The following PFKP variants were observed in gnomAD, a reference collection of about 807,000 sequenced individuals.
PFKP encodes ATP-dependent 6-phosphofructokinase, platelet type.
A neutral mutation model predicts 94.3 loss-of-function variants in PFKP; 101 were observed. The observed-to-expected ratio is 1.07, with a 90% CI of 0.91 to 1.26. The LOEUF (loss-of-function observed/expected upper bound fraction) is 1.26, where lower values mean the gene tolerates loss of function less well. Among genes scored for constraint, PFKP ranks in the 50% most tolerant of loss-of-function variants. PFKP has a pLI of 0.00. For synonymous variants in PFKP, 573 were observed against 432.6 expected (o/e 1.32, Z -4.03); for missense variants, 1,145 against 1,103.3 (o/e 1.04, Z -0.53).
intron 10 of PFKP, among the ~76,000 whole-genome samples, chr10:3,109,691 C>G (rs1436577766): frequency 2.0e-5 from 3 of 152,216 alleles, no homozygotes; most frequent in Non-Finnish European, 2.9e-5. Context: ...CTTTGGTTTT[C>G]TAAGTTACCA....
At chr10:3,096,624 A>G (rs1834500618) in intron 2 of PFKP, among the ~76,000 whole-genome samples, 1 of 149,176 alleles carries the variant, frequency 6.7e-6, no homozygotes, top group Non-Finnish European at 1.5e-5. Context: ...ACGGTGGCCC[A>G]GGCTACATGC....
chr10:3,069,481 CT>C, intron 1 of PFKP: 1 of 1,163,380 alleles, frequency 8.6e-7, no homozygotes, highest in Non-Finnish European at 1.2e-6. Context: ...CTTGAGTGAC[CT>C]TACCTGGGCC....
At chr10:3,105,186 A>G (rs369199991) in intron 6 of PFKP, 27 bp downstream of exon 6, 8 of 1,607,958 alleles carry the variant, frequency 5.0e-6, no homozygotes, top group South Asian at 1.1e-5. Context: ...GGTCCGGTGG[A>G]CGCGGTTCAG....
At chr10:3,119,081 A>G (rs1437113094) in intron 15 of PFKP, among the ~76,000 whole-genome samples, 1 of 115,792 alleles carries the variant, frequency 8.6e-6, no homozygotes, top group East Asian at 2.2e-4. Context: ...TTAACCGAGA[A>G]GCAAAAGCTT....
intron 16 of PFKP, among the ~76,000 whole-genome samples, chr10:3,127,377 C>A (rs1374546456): frequency 6.6e-6 from 1 of 152,244 alleles, no homozygotes; most frequent in Non-Finnish European, 1.5e-5. Context: ...GGGAGAGCTG[C>A]TTTGCCCGCA....
At chr10:3,084,880 CCAG>C (rs1488344828) in intron 2 of PFKP, among the ~76,000 whole-genome samples, 1 of 138,502 alleles carries the variant, frequency 7.2e-6, no homozygotes, top group African/African-American at 2.8e-5. Context: ...ACTCCACTCT[CCAG>C]CACGGTCCCC....
At chr10:3,078,070 C>T (rs946849425) in intron 1 of PFKP, among the ~76,000 whole-genome samples, 12 of 152,234 alleles carry the variant, frequency 7.9e-5, no homozygotes, top group African/African-American at 2.9e-4. Context: ...CCCCAGGATG[C>T]CTGAGCTATT....
At chr10:3,108,554 C>G in intron 8 of PFKP, 147 bp from the exon 9 acceptor site, 1 of 622,506 alleles carries the variant, frequency 1.6e-6, no homozygotes, top group South Asian at 1.9e-5. Context: ...AAACGTTCTG[C>G]TAGGAAACAA....
At chr10:3,133,667 A>ATTCACCCACCTCAGG (rs56998432) in intron 19 of PFKP, among the ~76,000 whole-genome samples, 3,234 of 152,092 alleles carry the variant, frequency 0.021, 85 homozygotes, top group African/African-American at 0.057. Flanking sequence ...CTGACCTCAG[A>ATTCACCCACCTCAGG]TGATTCACCC....
At chr10:3,119,165 CTT>C (rs1837137071) in intron 15 of PFKP, among the ~76,000 whole-genome samples, 2 of 152,160 alleles carry the variant, frequency 1.3e-5, no homozygotes, top group Admixed American at 6.5e-5. Flanking sequence ...AATTCTATCT[CTT>C]GAGTCCAGAG....
At chr10:3,125,170 T>C (rs1171882809) in intron 16 of PFKP, 1 of 1,350,016 alleles carries the variant, frequency 7.4e-7, no homozygotes, top group Admixed American at 2.0e-5. Context: ...CTGTGTGTGG[T>C]GCCGGCCACG....
intron 2 of PFKP, among the ~76,000 whole-genome samples, chr10:3,092,364 A>G (rs1328139363): frequency 6.6e-6 from 1 of 152,218 alleles, no homozygotes; most frequent in East Asian, 1.9e-4. Context: ...GGATGTAGAT[A>G]GCAGAGGCTG....
chr10:3,123,931 C>A (rs10903972), intron 16 of PFKP, among the ~76,000 whole-genome samples: 19,338 of 152,238 alleles, frequency 0.13, 1,289 homozygotes, highest in Admixed American at 0.16. Flanking sequence ...GGGGACCCTG[C>A]TCACAGCTCA....
At chr10:3,118,719 G>A in intron 14 of PFKP, 63 bp from the exon 15 acceptor site, 1 of 1,185,004 alleles carries the variant, frequency 8.4e-7, no homozygotes, top group Admixed American at 1.8e-5. Context: ...GACCGGCGTG[G>A]CGTCCTGCGG....
intron 1 of PFKP, among the ~76,000 whole-genome samples, chr10:3,081,717 C>T (rs891508743): frequency 6.6e-6 from 1 of 152,166 alleles, no homozygotes; most frequent in African/African-American, 2.4e-5. Context: ...ACTTATGATA[C>T]ATTGTAAGCA....
intron 1 of PFKP, among the ~76,000 whole-genome samples, chr10:3,068,309 CG>C (rs1354656193): frequency 6.6e-6 from 1 of 152,124 alleles, no homozygotes; most frequent in East Asian, 1.9e-4. Context: ...CGGGACGCGG[CG>C]GGGGTGCGCG....
chr10:3,120,776 C>T (rs1249482612), intron 16 of PFKP, among the ~76,000 whole-genome samples: 1 of 152,192 alleles, frequency 6.6e-6, no homozygotes, highest in Non-Finnish European at 1.5e-5. Context: ...CCTCTCACCT[C>T]AGCCTCCCGA....
intron 13 of PFKP, among the ~76,000 whole-genome samples, chr10:3,114,710 G>A (rs910667652): frequency 1.1e-4 from 16 of 152,266 alleles, no homozygotes; most frequent in Admixed American, 8.5e-4. Flanking sequence ...ATCCCAGGTG[G>A]AGGGAAAGGA....
In PFKP at chr10:3,107,260, G is replaced by A. The variant is rs774264923; in HGVS notation, c.821G>A (p.Gly274Glu). 6.2e-7 allele frequency: 1 copy of A among 1,612,640 alleles called. No homozygotes were observed. The highest frequency in any genetic ancestry group is 1.1e-5 in the South Asian group (1 of 91,028). Residue 274 changes from glycine to glutamate, a missense_variant, in exon 8 of 22, where the codon GGA (glycine) becomes GAA (glutamate). Physicochemically the swap from Gly to Glu is moderately conservative, Grantham distance 98. Around this residue, in one of 3 missense-constraint regions of PFKP, gnomAD observed 1,119 missense variants for 1,062.8 expected, o/e 1.05. Coordinates refer to ENST00000381125, the MANE Select transcript of PFKP (RefSeq NM_002627.5). ...CTGAATATTATTATTGTGGCTGAAG[G>A]AGCAATTGATACCCAAAATAAACCC... is the stretch of plus-strand genomic sequence containing the variant. ...KRLNIIIVAEGAIDTQNKPIT... is the reference protein window; with the variant it reads ...KRLNIIIVAEEAIDTQNKPIT...
Sources: allele counts gnomAD v4.1 joint callset (sites outside exome capture counted in the v4.1 genomes callset), GRCh38; gene constraint gnomAD v4.1.1; regional missense constraint gnomAD v4.1.1; transcripts MANE v1.5; gene names NCBI Gene and HGNC (gene_info 2026-07-23, HGNC 2026-07-21).